FAM171A1: variants seen among roughly 807,000 people sequenced by gnomAD.
The protein encoded by FAM171A1 is protein FAM171A1.
Under a neutral mutation model 74.9 loss-of-function variants are expected in FAM171A1, and 23 were observed. The observed-to-expected ratio is 0.31, with a 90% CI of 0.22 to 0.44. The LOEUF (loss-of-function observed/expected upper bound fraction) is 0.44. Ranked by LOEUF, FAM171A1 falls within the 20% of genes least tolerant of loss-of-function variation. The probability of loss-of-function intolerance (pLI) is 1.00; values close to 1 mark genes in which losing one functional copy is unlikely to be tolerated. For missense variants in FAM171A1, 1,162 were observed against 1,159.2 expected, an observed-to-expected ratio of 1.00 and a Z score of -0.03; for synonymous variants, 527 against 505.7, an observed-to-expected ratio of 1.04 and a Z score of -0.57.
intron 3 of FAM171A1, among the ~76,000 whole-genome samples, chr10:15,270,979 C>T (rs552108978): frequency 6.6e-6 from 1 of 152,170 alleles, no homozygotes; most frequent in Non-Finnish European, 1.5e-5. Context: ...CTATTCTCCT[C>T]AAAAGGAATG....
chr10:15,311,044 G>A (rs1056463232), intron 1 of FAM171A1, among the ~76,000 whole-genome samples: 11 of 152,192 alleles, frequency 7.2e-5, no homozygotes, highest in African/African-American at 1.2e-4. Flanking sequence ...AGGATGGGCT[G>A]CTGGGGCGTA....
intron 1 of FAM171A1, among the ~76,000 whole-genome samples, chr10:15,355,383 T>G (rs1835921182): frequency 6.6e-6 from 1 of 152,196 alleles, no homozygotes; most frequent in African/African-American, 2.4e-5. Flanking sequence ...CCCTGGCTCT[T>G]GTTTGTATAT....
intron 1 of FAM171A1, among the ~76,000 whole-genome samples, chr10:15,319,710 G>A (rs1472062467): frequency 6.6e-6 from 1 of 152,164 alleles, no homozygotes; most frequent in Non-Finnish European, 1.5e-5. Context: ...TGGGATTACA[G>A]GCATGAGCCA....
chr10:15,213,240 G>T lies in FAM171A1; in HGVS notation c.2348C>A (p.Thr783Lys). The stretch of plus-strand genomic sequence containing the variant: ...CAGGTACACGAGCTGCGTGTAGGCC[G>T]TGCTGTCTGGGGCTCGAGGCTCTTT... ...QQKEPRAPDS[T>K]AYTQLVYLDD... The change falls in exon 8 of 8, where the codon ACG becomes AAG. Residue 783 changes from threonine (T) to lysine (K), a missense_variant. Transcript: ENST00000378116. The surrounding 1 kb of genome is among the most constrained non-coding windows in gnomAD (Gnocchi z 6.8). 2 of 1,614,038 alleles carry T rather than the reference G, an allele frequency of 1.2e-6. No individual in the cohort carries two copies. Among genetic ancestry groups the T allele is most frequent in the East Asian group, 2.2e-5 (1 of 44,858 alleles).
Position 15,213,131 on chromosome 10 carries a change from C to T in FAM171A1, c.2457G>A (p.Gly819=), listed in dbSNP as rs777042970. 2.5e-6 allele frequency: 4 copies of T among 1,614,024 alleles called. No individual in the cohort carries two copies. Among genetic ancestry groups the T allele is most frequent in the East Asian group, 2.2e-5 (1 of 44,852 alleles). ...GCTGGCCACCACTTCTCCGACTCGA[C>T]CCCTCCAACAAGCATCGCAGGGCAC... is the stretch of plus-strand genomic sequence containing the variant. ...EDSALRCLLE[G]SSRRSGGQLP... The change falls in exon 8 of 8, where the codon GGG becomes GGA. Residue 819 remains glycine (G), a synonymous_variant. Transcript: ENST00000378116. This position sits in a 1 kb window ranked among gnomAD's most constrained non-coding sequence, Gnocchi z 6.8.
At chr10:15,339,671 C>A (rs1835741844) in intron 1 of FAM171A1, among the ~76,000 whole-genome samples, 1 of 152,106 alleles carries the variant, frequency 6.6e-6, no homozygotes, top group African/African-American at 2.4e-5. Flanking sequence ...CTTAGTTACT[C>A]CTCCTACACC....
intron 1 of FAM171A1, among the ~76,000 whole-genome samples, chr10:15,348,659 C>T (rs1246524252): frequency 1.3e-5 from 2 of 152,138 alleles, no homozygotes; most frequent in African/African-American, 4.8e-5. Context: ...ATCAGCCTCA[C>T]GGAAGAGCTT....
At chr10:15,329,848 C>T (rs1202469893) in intron 1 of FAM171A1, among the ~76,000 whole-genome samples, 1 of 152,134 alleles carries the variant, frequency 6.6e-6, no homozygotes, top group Non-Finnish European at 1.5e-5. Context: ...CCCTGCCAAG[C>T]TTTGTCTCAG....
chr10:15,240,894 A>C, intron 5 of FAM171A1: 1 of 190,048 alleles, frequency 5.3e-6, no homozygotes, highest in Non-Finnish European at 9.7e-6. Context: ...AAATTTACAA[A>C]TTAGCTGGGC....
At chr10:15,356,219 C>CGT (rs1564289610) in intron 1 of FAM171A1, among the ~76,000 whole-genome samples, 1 of 149,078 alleles carries the variant, frequency 6.7e-6, no homozygotes, top group African/African-American at 2.5e-5. Context: ...TACATACATA[C>CGT]ATATATATAT....
intron 4 of FAM171A1, 103 bp downstream of exon 4, chr10:15,254,618 C>T: frequency 7.7e-7 from 1 of 1,291,272 alleles, no homozygotes. Context: ...ACCTTCAGTG[C>T]CTTTCTCCCA....
chr10:15,278,517 T>C (rs1407077427), intron 2 of FAM171A1, among the ~76,000 whole-genome samples: 3 of 152,194 alleles, frequency 2.0e-5, no homozygotes, highest in African/African-American at 7.2e-5. Flanking sequence ...GTCTATCGGC[T>C]GATGAATGGA....
intron 1 of FAM171A1, among the ~76,000 whole-genome samples, chr10:15,360,326 A>G (rs1055135671): frequency 2.6e-5 from 4 of 152,210 alleles, no homozygotes; most frequent in Admixed American, 2.6e-4. Flanking sequence ...GTAAATGGTG[A>G]GACAATAATG....
intron 1 of FAM171A1, among the ~76,000 whole-genome samples, chr10:15,312,673 G>GTTTGTTTTTTTTTT (rs1564274246): frequency 5.5e-5 from 2 of 36,384 alleles, no homozygotes; most frequent in African/African-American, 1.2e-4. Context: ...AGCACTGTGT[G>GTTTGTTTTTTTTTT]TTTTTTTTTT....
chr10:15,299,696 T>C (rs1835205124), intron 1 of FAM171A1, among the ~76,000 whole-genome samples: 1 of 151,466 alleles, frequency 6.6e-6, no homozygotes, highest in East Asian at 1.9e-4. Flanking sequence ...TAAAAAAAAA[T>C]GGGCCGGGTG....
At chr10:15,268,468 G>C (rs1438607571) in intron 3 of FAM171A1, among the ~76,000 whole-genome samples, 1 of 152,088 alleles carries the variant, frequency 6.6e-6, no homozygotes, top group Non-Finnish European at 1.5e-5. Flanking sequence ...TGAGTTTATA[G>C]TGGTATCAAC....
At chr10:15,233,369 C>T (rs1332999795) in intron 5 of FAM171A1, among the ~76,000 whole-genome samples, 2 of 151,946 alleles carry the variant, frequency 1.3e-5, no homozygotes, top group African/African-American at 4.8e-5. Flanking sequence ...CATTTTTCTT[C>T]CCCTTCAGTT....
chr10:15,274,125 C>T (rs1232229316), intron 3 of FAM171A1, among the ~76,000 whole-genome samples: 3 of 152,128 alleles, frequency 2.0e-5, no homozygotes, highest in African/African-American at 2.4e-5. Flanking sequence ...TGATTGTATA[C>T]TTAGAAAACC....
intron 2 of FAM171A1, among the ~76,000 whole-genome samples, chr10:15,281,836 T>G (rs1034107933): frequency 1.3e-5 from 2 of 152,152 alleles, no homozygotes; most frequent in Non-Finnish European, 2.9e-5. Context: ...ATTCTAGCCT[T>G]GGCCACAGAA....
Sources: allele counts gnomAD v4.1 joint callset (sites outside exome capture counted in the v4.1 genomes callset), GRCh38; gene constraint gnomAD v4.1.1; non-coding constraint Gnocchi (gnomAD v3.1); transcripts MANE v1.5; gene names NCBI Gene and HGNC (gene_info 2026-07-23, HGNC 2026-07-21).